TTC28: variants seen among roughly 807,000 people sequenced by gnomAD.
TTC28 encodes the protein tetratricopeptide repeat protein 28.
In TTC28, 61 loss-of-function variants were observed where a neutral mutation model predicts 198.0. That is an observed-to-expected ratio of 0.31 (90% confidence interval 0.25 to 0.38). The LOEUF is 0.38. Among genes scored for constraint, TTC28 ranks in the 10% least tolerant of loss-of-function variants. TTC28 has a pLI of 1.00. For synonymous variants in TTC28, 1,171 were observed against 1,297.8 expected, an observed-to-expected ratio of 0.90 and a Z score of 2.10; for missense variants, 2,678 against 3,164.0, an observed-to-expected ratio of 0.85 and a Z score of 3.69.
intron 5 of TTC28, among the ~76,000 whole-genome samples, chr22:28,169,726 C>T (rs959363227): frequency 2.0e-5 from 3 of 151,808 alleles, no homozygotes; most frequent in African/African-American, 4.8e-5. Context: ...TGCTAAATGA[C>T]GAGTTAATGG....
chr22:28,359,881 T>G (rs951334021), intron 2 of TTC28, among the ~76,000 whole-genome samples: 1 of 152,050 alleles, frequency 6.6e-6, no homozygotes, highest in Admixed American at 6.6e-5. Context: ...AGAGCTCAGA[T>G]AGCTCCATTC....
At chr22:28,061,072 ATT>A (rs761102684) in intron 12 of TTC28, among the ~76,000 whole-genome samples, 1 of 151,908 alleles carries the variant, frequency 6.6e-6, no homozygotes, top group Non-Finnish European at 1.5e-5. Flanking sequence ...AGGTTGTTTG[ATT>A]TTTTTCTTGT....
chr22:28,626,355 T>C (rs1022020942), intron 2 of TTC28, among the ~76,000 whole-genome samples: 14 of 152,034 alleles, frequency 9.2e-5, no homozygotes, highest in Admixed American at 3.3e-4. Flanking sequence ...GATCCTTACA[T>C]AAAAAATTAA....
intron 2 of TTC28, among the ~76,000 whole-genome samples, chr22:28,478,762 CTTTGCA>C (rs2048202288): frequency 6.6e-6 from 1 of 152,110 alleles, no homozygotes; most frequent in Non-Finnish European, 1.5e-5. Flanking sequence ...ACCTCAGGGC[CTTTGCA>C]TGTGCTACTA....
chr22:28,052,601 A>G (rs988740160), intron 12 of TTC28, among the ~76,000 whole-genome samples: 1 of 152,242 alleles, frequency 6.6e-6, no homozygotes, highest in Non-Finnish European at 1.5e-5. Context: ...ACCACAGAAA[A>G]AAAGACCAGC....
chr22:28,031,901 TAG>T (rs1209476498), intron 12 of TTC28, among the ~76,000 whole-genome samples: 1 of 151,880 alleles, frequency 6.6e-6, no homozygotes, highest in Non-Finnish European at 1.5e-5. Context: ...AAGGCCTGGA[TAG>T]AGCAAAAAAG....
intron 5 of TTC28, among the ~76,000 whole-genome samples, chr22:28,213,809 C>T (rs971127335): frequency 2.6e-5 from 4 of 152,044 alleles, no homozygotes; most frequent in Non-Finnish European, 4.4e-5. Context: ...CAAAAAAGAG[C>T]CCGCATTGCC....
intron 17 of TTC28, among the ~76,000 whole-genome samples, chr22:27,993,916 C>T (rs1228468874): frequency 6.6e-6 from 1 of 152,202 alleles, no homozygotes; most frequent in Non-Finnish European, 1.5e-5. Context: ...TGCCCACAGC[C>T]CAGCCCCATC....
chr22:28,489,762 G>A (rs2048352062), intron 2 of TTC28, among the ~76,000 whole-genome samples: 2 of 151,734 alleles, frequency 1.3e-5, no homozygotes, highest in African/African-American at 4.8e-5. Flanking sequence ...CTCCCAAAAG[G>A]CAAAATAAAT....
chr22:28,336,004 A>G (rs1601647885), intron 2 of TTC28, among the ~76,000 whole-genome samples: 2 of 152,242 alleles, frequency 1.3e-5, no homozygotes, highest in African/African-American at 4.8e-5. Flanking sequence ...TTATTTTGAG[A>G]TACGTGCCAT....
chr22:28,057,618 T>A (rs1035684204), intron 12 of TTC28, among the ~76,000 whole-genome samples: 2 of 152,156 alleles, frequency 1.3e-5, no homozygotes, highest in Non-Finnish European at 2.9e-5. Context: ...TGCGATGATA[T>A]CTAATTTATA....
chr22:28,377,476 A>G (rs1421051787), intron 2 of TTC28, among the ~76,000 whole-genome samples: 1 of 152,132 alleles, frequency 6.6e-6, no homozygotes, highest in Non-Finnish European at 1.5e-5. Flanking sequence ...GTGAGGAAAC[A>G]GAGTCAGAGA....
intron 2 of TTC28, among the ~76,000 whole-genome samples, chr22:28,420,106 G>A (rs1433022688): frequency 6.6e-6 from 1 of 152,146 alleles, no homozygotes; most frequent in Non-Finnish European, 1.5e-5. Context: ...CATCACCCCA[G>A]ATGACTGCTG....
intron 5 of TTC28, among the ~76,000 whole-genome samples, chr22:28,219,009 T>C (rs1927631836): frequency 6.6e-6 from 1 of 151,708 alleles, no homozygotes; most frequent in Non-Finnish European, 1.5e-5. Context: ...AAAATAGTTG[T>C]GACCTCATGG....
chr22:28,348,957 C>A (rs776962717), intron 2 of TTC28, among the ~76,000 whole-genome samples: 15 of 152,142 alleles, frequency 9.9e-5, no homozygotes, highest in Non-Finnish European at 2.1e-4. Flanking sequence ...CACTGATGAA[C>A]TAAATGCCCA....
At chr22:28,309,236 T>A (rs2045206325) in intron 2 of TTC28, among the ~76,000 whole-genome samples, 2 of 152,210 alleles carry the variant, frequency 1.3e-5, no homozygotes, top group Admixed American at 1.3e-4. Flanking sequence ...GAGAGTCCAA[T>A]AAATATTTTA....
intron 2 of TTC28, among the ~76,000 whole-genome samples, chr22:28,324,123 T>C (rs1457185996): frequency 6.6e-6 from 1 of 152,156 alleles, no homozygotes; most frequent in African/African-American, 2.4e-5. Context: ...AAGGGAGTTC[T>C]TCAATCTGAA....
intron 5 of TTC28, among the ~76,000 whole-genome samples, chr22:28,174,086 C>T (rs1034902794): frequency 2.0e-5 from 3 of 152,148 alleles, no homozygotes; most frequent in African/African-American, 7.2e-5. Flanking sequence ...AGATTAACTA[C>T]CCACAACCCA....
chr22:28,413,502 CA>C (rs2047119638), intron 2 of TTC28, among the ~76,000 whole-genome samples: 1 of 152,020 alleles, frequency 6.6e-6, no homozygotes. Flanking sequence ...AAATACTAAG[CA>C]ATAAAATTGG....
Sources: gnomAD v4.1 joint callset for allele counts (sites outside exome capture counted in the v4.1 genomes callset) on GRCh38, gnomAD v4.1.1 for gene constraint, MANE v1.5 for transcripts, NCBI Gene and HGNC (gene_info 2026-07-23, HGNC 2026-07-21) for gene names.